Variants in SYN3 observed in about 807,000 individuals in gnomAD.
The protein encoded by SYN3 is synapsin III.
Under a neutral mutation model 65.8 loss-of-function variants are expected in SYN3, and 35 were observed. The ratio of observed to expected loss-of-function variants is 0.53; its 90% CI spans 0.41 to 0.70. SYN3 has a LOEUF of 0.70. SYN3 is among the 30% of genes least tolerant of loss of function. The pLI, the probability that SYN3 is intolerant of heterozygous loss-of-function variation, is 0.00. For missense variants in SYN3, 680 were observed against 749.0 expected, an observed-to-expected ratio of 0.91 and a Z score of 1.08; for synonymous variants, 270 against 292.9, an observed-to-expected ratio of 0.92 and a Z score of 0.80.
intron 6 of SYN3, among the ~76,000 whole-genome samples, chr22:32,851,751 C>T (rs1041402849): frequency 6.6e-6 from 1 of 152,144 alleles, no homozygotes; most frequent in African/African-American, 2.4e-5. Context: ...CCAAATCTCC[C>T]TGCCATCTTA....
chr22:32,924,279 C>T (rs1042264859), intron 4 of SYN3, among the ~76,000 whole-genome samples: 2 of 152,224 alleles, frequency 1.3e-5, no homozygotes, highest in African/African-American at 4.8e-5. Flanking sequence ...CACTGAGTCA[C>T]AGGCTACTTA....
chr22:32,607,848 C>A (rs1270344510), intron 6 of SYN3, among the ~76,000 whole-genome samples: 1 of 152,198 alleles, frequency 6.6e-6, no homozygotes, highest in Non-Finnish European at 1.5e-5. Context: ...ACTCACCATG[C>A]AGACAACATC....
Position 32,510,504 on chromosome 22 carries a change from C to G in SYN3, c.*3188G>C, listed in dbSNP as rs115988062. Among the ~76,000 whole-genome samples, 2,832 of 152,216 alleles carry G rather than the reference C, an allele frequency of 0.019. 88 individuals are homozygous for G. Among genetic ancestry groups the G allele is most frequent in the African/African-American group, 0.063 (2,623 of 41,516 alleles). On this transcript the variant is annotated 3_prime_UTR_variant, in exon 14 of 14. Transcript: ENST00000358763. ...GATTGCCACAGGGGTTTCCTGTGTT[C>G]TTAATCTCCTGAAACTTGAGGACCT...
At chr22:32,753,803 CA>C (rs575342724) in intron 6 of SYN3, among the ~76,000 whole-genome samples, 12 of 152,366 alleles carry the variant, frequency 7.9e-5, no homozygotes, top group Middle Eastern at 3.4e-3. Flanking sequence ...ATGAGAGAGC[CA>C]GGGGGGTCAC....
At chr22:32,613,352 G>T (rs898987945) in intron 6 of SYN3, among the ~76,000 whole-genome samples, 17 of 152,128 alleles carry the variant, frequency 1.1e-4, no homozygotes, top group Admixed American at 2.0e-4. Flanking sequence ...CAGGGTAGGA[G>T]AGAGAATTAT....
chr22:32,901,790 G>C (rs540351969), intron 4 of SYN3, among the ~76,000 whole-genome samples: 15 of 152,332 alleles, frequency 9.8e-5, no homozygotes, highest in Non-Finnish European at 1.9e-4. Flanking sequence ...TTAAATCCAG[G>C]CAGTCTAGCT....
intron 1 of SYN3, among the ~76,000 whole-genome samples, chr22:33,036,994 C>G (rs1221807060): frequency 6.6e-6 from 1 of 152,076 alleles, no homozygotes; most frequent in African/African-American, 2.4e-5. Flanking sequence ...CCCGGCCAAG[C>G]CCAAGTTCCA....
At chr22:32,695,277 T>C (rs1460232065) in intron 6 of SYN3, among the ~76,000 whole-genome samples, 1 of 152,262 alleles carries the variant, frequency 6.6e-6, no homozygotes, top group African/African-American at 2.4e-5. Flanking sequence ...GACTCTATTA[T>C]CAACTGAATA....
At position 32,776,541 on chromosome 22, in the gene SYN3, G is replaced by A. The variant is rs770554660; in HGVS notation, c.711+88374C>T. On this transcript the variant is annotated intron_variant, in intron 6 of 13. Transcript: ENST00000358763. ...TGTAGCTTGCCTAAGGTCACACAGC[G>A]GGCACCTGTGCCAGGCTTTGAATGA... is the stretch of plus-strand genomic sequence containing the variant. 4.6e-5 allele frequency among the ~76,000 whole-genome samples: 7 copies of A among 152,138 alleles called. No individual in the cohort carries two copies. In the East Asian group the frequency reaches 5.8e-4, roughly 13 times the overall value.
intron 2 of SYN3, among the ~76,000 whole-genome samples, chr22:32,990,868 C>G (rs147357243): frequency 6.6e-6 from 1 of 151,482 alleles, no homozygotes; most frequent in Admixed American, 6.6e-5. Context: ...GCCAACATAG[C>G]GAAAACCCAT....
At chr22:32,655,914 G>T (rs1461451067) in intron 6 of SYN3, among the ~76,000 whole-genome samples, 1 of 152,160 alleles carries the variant, frequency 6.6e-6, no homozygotes, top group East Asian at 1.9e-4. Flanking sequence ...GTGCCAAAAA[G>T]GTTGGGAGTC....
intron 6 of SYN3, among the ~76,000 whole-genome samples, chr22:32,770,820 C>T (rs2045747261): frequency 7.5e-6 from 1 of 133,748 alleles, no homozygotes; most frequent in Admixed American, 7.5e-5. Context: ...AAATGGATTA[C>T]TCGATATGTA....
chr22:32,653,584 T>C (rs1429070069), intron 6 of SYN3, among the ~76,000 whole-genome samples: 1 of 152,134 alleles, frequency 6.6e-6, no homozygotes, highest in East Asian at 1.9e-4. Flanking sequence ...GAAGCTTCTT[T>C]GGAGGAGAAT....
rs1475764661 is a variant in SYN3 at position 32,508,358 on chromosome 22, T to A, written c.*5334A>T. On this transcript the variant is annotated 3_prime_UTR_variant, in exon 14 of 14. Coordinates refer to ENST00000358763, the MANE Select transcript of SYN3 (RefSeq NM_003490.4). ...CTTTGCATGTAATTTTCCATTACCTTCCCAAATCCTATAAAACGGCCCCAT... is the reference window on the plus strand; with the variant it reads ...CTTTGCATGTAATTTTCCATTACCTACCCAAATCCTATAAAACGGCCCCAT... 6.6e-6 allele frequency among the ~76,000 whole-genome samples: 1 copy of A among 152,154 alleles called. No homozygotes were observed. Among genetic ancestry groups the A allele is most frequent in the Non-Finnish European group, 1.5e-5 (1 of 68,034 alleles).
At position 32,940,229 on chromosome 22, in the gene SYN3, A is replaced by G. The variant is rs369787200; in HGVS notation, c.370-8748T>C. ...TTGCATTTATCTTATTAATTTATAA[A>G]GGTATCTCAAAATATATTGTAGATA... On this transcript the variant is annotated intron_variant, in intron 3 of 13. Coordinates refer to ENST00000358763, the MANE Select transcript of SYN3 (RefSeq NM_003490.4). Among the ~76,000 whole-genome samples the G allele has an allele frequency of 3.7e-4, 57 of 152,300 alleles. 1 individual carries two copies. The South Asian group carries it at 0.011, about 29-fold the overall frequency.
intron 7 of SYN3, among the ~76,000 whole-genome samples, chr22:32,544,551 C>T (rs2213404): frequency 0.046 from 6,940 of 152,254 alleles, 184 homozygotes; most frequent in Non-Finnish European, 0.067. Context: ...CCTTGCCCTG[C>T]GTTGACCCTC....
intron 6 of SYN3, among the ~76,000 whole-genome samples, chr22:32,720,406 C>T (rs577247189): frequency 3.3e-5 from 5 of 152,286 alleles, no homozygotes; most frequent in South Asian, 4.1e-4. Context: ...GTGCTGGTTA[C>T]GGTGGAGGAA....
At chr22:33,009,751 A>AACACACACACACACACAC (rs58156623) in intron 1 of SYN3, among the ~76,000 whole-genome samples, 7 of 141,206 alleles carry the variant, frequency 5.0e-5, no homozygotes, top group South Asian at 2.3e-4. Context: ...TACGTATCTA[A>AACACACACACACACACAC]ACACACACAC....
At chr22:32,757,081 A>C (rs2045313455) in intron 6 of SYN3, among the ~76,000 whole-genome samples, 1 of 151,846 alleles carries the variant, frequency 6.6e-6, no homozygotes, top group Non-Finnish European at 1.5e-5. Context: ...TTGGAGGAAA[A>C]GCAAATATTG....
Sources: gnomAD v4.1 joint callset for allele counts (sites outside exome capture counted in the v4.1 genomes callset) on GRCh38, gnomAD v4.1.1 for gene constraint, MANE v1.5 for transcripts, NCBI Gene and HGNC (gene_info 2026-07-23, HGNC 2026-07-21) for gene names.